Variants in HRG observed in about 807,000 individuals in gnomAD.
HRG encodes the protein histidine-rich glycoprotein.
In HRG, 26 loss-of-function variants were observed where a neutral mutation model predicts 29.5. The observed-to-expected ratio is 0.88, with a 90% CI of 0.65 to 1.22. The LOEUF (loss-of-function observed/expected upper bound fraction) is 1.22. HRG is among the 50% of genes most tolerant of loss of function. The pLI, the probability that HRG is intolerant of heterozygous loss-of-function variation, is 0.00. For missense variants in HRG, 671 were observed against 654.5 expected (o/e 1.03, Z -0.28); for synonymous variants, 243 against 240.4 (o/e 1.01, Z -0.10).
intron 6 of HRG, 127 bp from the exon 7 acceptor site, chr3:186,676,920 T>C: frequency 9.4e-7 from 1 of 1,067,700 alleles, no homozygotes; most frequent in Non-Finnish European, 1.4e-6. Context: ...GAATCTTTTT[T>C]CGTAATACTT....
Position 186,672,932 on chromosome 3 carries a change from A to G in HRG, c.639+65A>G, listed in dbSNP as rs184629077. ...CAGAGAAAAAAGAAAGAGAAGAAGG[A>G]GAAGGAGAAGGAGAAGGAGAGGAAG... On this transcript the variant is annotated intron_variant, in intron 5 of 6. Coordinates refer to ENST00000232003, the MANE Select transcript of HRG (RefSeq NM_000412.5). 6 of 950,164 alleles carry G rather than the reference A, an allele frequency of 6.3e-6. No homozygotes were observed. The Admixed American group carries it at 1.0e-4, about 16-fold the overall frequency. The allele number at this position is 950,164 out of a possible 1,614,324, so 58.9% of individuals were successfully genotyped here.
chr3:186,669,055 A>G lies in HRG; in HGVS notation c.300+4A>G. The stretch of plus-strand genomic sequence containing the variant: ...TTCCAGACGTCCATCTGAAATAGTA[A>G]GTAAAGAGGGCACCTTCACTCTGCT... On this transcript the variant is annotated splice_donor_region_variant and intron_variant, in intron 2 of 6. Transcript: ENST00000232003. 1 of 1,442,248 alleles carries G rather than the reference A, an allele frequency of 6.9e-7. No homozygotes were observed. The highest frequency in any genetic ancestry group is 1.4e-5 in the African/African-American group (1 of 71,816). 89.3% of individuals were successfully genotyped at this position (1,442,248 alleles called of 1,614,324 possible).
Position 186,669,146 on chromosome 3 carries a change from A to G in HRG, c.300+95A>G, listed in dbSNP as rs914277478. ...AATGCCTGGGCTAACACAGTAGAAG[A>G]GAAAGGGCAGCTTTTGCCTTGAGAT... On this transcript the variant is annotated intron_variant, in intron 2 of 6. Transcript: ENST00000232003. 5 of 803,326 alleles carry G rather than the reference A, an allele frequency of 6.2e-6. No individual in the cohort carries two copies. In the Admixed American group the frequency reaches 8.5e-5, roughly 14 times the overall value. 49.8% of individuals were successfully genotyped at this position (803,326 alleles called of 1,614,324 possible). A position where few individuals can be genotyped will look rare whatever the true frequency, so the allele number is the denominator to read the frequency against.
At chr3:186,668,794 T>A (rs1262799111) in intron 1 of HRG, 141 bp from the exon 2 acceptor site, 1 of 645,598 alleles carries the variant, frequency 1.5e-6, no homozygotes, top group Non-Finnish European at 2.8e-6. Context: ...ATAGATCAAA[T>A]GACGCAAAGG....
Position 186,666,145 on chromosome 3 carries a change from C to T in HRG, c.114C>T (p.Ile38=). ...AGGCTGAGAAAGCTCTAGACCTGAT[C>T]AATAAAAGGCGACGGGATGGCTACC... is the stretch of plus-strand genomic sequence containing the variant. The part of the protein sequence containing the change: ...EPEAEKALDL[I]NKRRRDGYLF... Residue 38 remains isoleucine, a synonymous_variant, in exon 1 of 7, where the codon ATC becomes ATT. Transcript: ENST00000232003. 5 of 1,614,176 alleles carry T rather than the reference C, an allele frequency of 3.1e-6. No individual in the cohort carries two copies. Among genetic ancestry groups the T allele is most frequent in the Non-Finnish European group, 4.2e-6 (5 of 1,180,026 alleles).
intron 6 of HRG, among the ~76,000 whole-genome samples, chr3:186,676,102 T>C (rs149387425): frequency 0.016 from 2,506 of 152,060 alleles, 65 homozygotes; most frequent in African/African-American, 0.057. Flanking sequence ...CTCCTGACCT[T>C]AGGTGATCCA....
rs577240897 is a variant in HRG, at chr3:186,669,209, G to C, written c.300+158G>C. On this transcript the variant is annotated intron_variant, in intron 2 of 6. Transcript: ENST00000232003. ...TGTTAACCTTGAGCAATACTCTTGA[G>C]AGTCTTTCCTGGGAACCCAGTTCAA... Among the ~76,000 whole-genome samples, 3 of 152,354 alleles carry C rather than the reference G, an allele frequency of 2.0e-5. No individual in the cohort carries two copies. The East Asian group carries it at 5.8e-4, about 29-fold the overall frequency.
At chr3:186,668,875 T>TAA (rs5855108) in intron 1 of HRG, 60 bp from the exon 2 acceptor site, 14,855 of 640,454 alleles carry the variant, frequency 0.023, 2 homozygotes, top group Middle Eastern at 0.037. Flanking sequence ...CTTTAATACA[T>TAA]AAAAAAAAAC....
chr3:186,667,574 T>C (rs963470378), intron 1 of HRG, among the ~76,000 whole-genome samples: 3 of 151,890 alleles, frequency 2.0e-5, no homozygotes, highest in Non-Finnish European at 4.4e-5. Context: ...CTGGAGCAAT[T>C]TAATGAGGGG....
At chr3:186,672,594 CAGTGA>C (rs1344711539) in intron 4 of HRG, among the ~76,000 whole-genome samples, 188 bp from the exon 5 acceptor site, 1 of 152,184 alleles carries the variant, frequency 6.6e-6, no homozygotes, top group Non-Finnish European at 1.5e-5. Context: ...TGAACCTTTT[CAGTGA>C]ACTGGTATTC....
At chr3:186,672,339 G>A (rs1718827879) in intron 4 of HRG, among the ~76,000 whole-genome samples, 1 of 152,214 alleles carries the variant, frequency 6.6e-6, no homozygotes. Context: ...CTCAAAGAAT[G>A]TTTGGACCCA....
At chr3:186,668,623 G>A (rs1219050559) in intron 1 of HRG, 25 of 356,752 alleles carry the variant, frequency 7.0e-5, no homozygotes, top group Non-Finnish European at 1.1e-4. Context: ...CCCTGATGAG[G>A]TCGTCATGAC....
intron 1 of HRG, among the ~76,000 whole-genome samples, chr3:186,668,224 G>T (rs1256909495): frequency 1.3e-5 from 2 of 152,158 alleles, no homozygotes; most frequent in African/African-American, 2.4e-5. Context: ...GGGAAACTGA[G>T]GCAAGAGACA....
At chr3:186,668,238 A>G (rs1371234694) in intron 1 of HRG, among the ~76,000 whole-genome samples, 1 of 152,188 alleles carries the variant, frequency 6.6e-6, no homozygotes, top group Non-Finnish European at 1.5e-5. Flanking sequence ...AGAGACAGGG[A>G]CATGAAGTAG....
In HRG at chr3:186,678,180, C is replaced by G; in HGVS notation, c.*297C>G. ...GGACTTAACTCTAATTCTAGAGTCT[C>G]TGTTACTGCTTGGGCTATACCTGGG... is the stretch of plus-strand genomic sequence containing the variant. On this transcript the variant is annotated 3_prime_UTR_variant, in exon 7 of 7. Transcript: ENST00000232003. 2.6e-6 allele frequency: 1 copy of G among 391,656 alleles called. No individual in the cohort carries two copies. Among genetic ancestry groups the G allele is most frequent in the Non-Finnish European group, 4.7e-6 (1 of 211,114 alleles). 24.3% of individuals were successfully genotyped at this position (391,656 alleles called of 1,614,324 possible).
At position 186,677,598 on chromosome 3, in the gene HRG, C is replaced by A. The variant is rs183667558; in HGVS notation, c.1293C>A (p.His431Gln). 81 of 1,614,150 alleles carry A rather than the reference C, an allele frequency of 5.0e-5. No individual in the cohort carries two copies. Among genetic ancestry groups the A allele is most frequent in the East Asian group, 2.5e-4 (11 of 44,870 alleles). ...ACCAAGGTCACTGTTGCCATGGCCA[C>A]GGCCCACCACCTGGGCACTTAAGAA... ...PHNQGHCCHG[H>Q]GPPPGHLRRR... Residue 431 changes from histidine to glutamine, a missense_variant, in exon 7 of 7, where the codon CAC (histidine) becomes CAA (glutamine). Coordinates refer to ENST00000232003, the MANE Select transcript of HRG (RefSeq NM_000412.5).
At position 186,669,940 on chromosome 3, in the gene HRG, G is replaced by T. The variant is rs766544209; in HGVS notation, c.303G>T (p.Val101=). Residue 101 remains valine, a splice_region_variant and synonymous_variant, in exon 3 of 7, where the codon GTG becomes GTT. Coordinates refer to ENST00000232003, the MANE Select transcript of HRG (RefSeq NM_000412.5). The part of the protein sequence containing the change: ...PPDSRRPSEI[V]IGQCKVIATR... ...CCTCAAGAGCCTCTTTCTTACAGGT[G>T]ATCGGACAATGTAAGGTAATAGCTA... The T allele has an allele frequency of 1.9e-6, 3 of 1,556,780 alleles. No homozygotes were observed. The highest frequency in any genetic ancestry group is 2.7e-6 in the Non-Finnish European group (3 of 1,129,504).
In HRG at chr3:186,672,860, AC is replaced by A; in HGVS notation, c.636del (p.Asn213MetfsTer14). The stretch of plus-strand genomic sequence containing the variant: ...TGCCCCAGACACCATTTCCCCAGAC[AC>A]CCCAATGTGAGTATAAGAAATGTCT... ...RNCPRHHFPRHPNVFGFCRAD... is the reference protein window; with the variant it reads ...RNCPRHHFPRXPNVFGFCRAD... On this transcript the variant is annotated frameshift_variant, in exon 5 of 7. Coordinates refer to ENST00000232003, the MANE Select transcript of HRG (RefSeq NM_000412.5). LOFTEE classifies it high-confidence loss of function. 1 of 1,603,062 alleles carries A rather than the reference AC, an allele frequency of 6.2e-7. No individual in the cohort carries two copies. Among genetic ancestry groups the A allele is most frequent in the Non-Finnish European group, 8.5e-7 (1 of 1,170,128 alleles).
intron 1 of HRG, 70 bp from the exon 2 acceptor site, chr3:186,668,865 C>T: frequency 1.4e-6 from 1 of 725,828 alleles, no homozygotes; most frequent in Non-Finnish European, 2.4e-6. Context: ...AAATATATAG[C>T]TTTAATACAT....
Sources: gnomAD v4.1 joint callset for allele counts (sites outside exome capture counted in the v4.1 genomes callset) on GRCh38, gnomAD v4.1.1 for gene constraint, MANE v1.5 for transcripts, NCBI Gene and HGNC (gene_info 2026-07-23, HGNC 2026-07-21) for gene names.